The following ANXA10 variants were observed in gnomAD, a reference collection of about 807,000 sequenced individuals.
ANXA10 encodes the protein annexin 14.
Under a neutral mutation model 53.5 loss-of-function variants are expected in ANXA10, and 49 were observed. The observed-to-expected ratio is 0.92, with a 90% confidence interval of 0.73 to 1.16. The LOEUF is 1.16. Ranked by LOEUF, ANXA10 falls within the 50% of genes most tolerant of loss-of-function variation. ANXA10 has a pLI of 0.00. For synonymous variants in ANXA10, 131 were observed against 128.9 expected (o/e 1.02, Z -0.11); for missense variants, 393 against 394.4 (o/e 1.00, Z 0.03).
At chr4:168,180,634 G>T (rs1461967510) in intron 9 of ANXA10, among the ~76,000 whole-genome samples, 5 of 152,168 alleles carry the variant, frequency 3.3e-5, no homozygotes, top group African/African-American at 4.8e-5. Context: ...ACTCAAGAGT[G>T]ATTATGAAGA....
chr4:168,115,257 C>A (rs1308302556), intron 1 of ANXA10, among the ~76,000 whole-genome samples: 1 of 151,992 alleles, frequency 6.6e-6, no homozygotes. Flanking sequence ...GCTGAATAAC[C>A]CTATCATGGG....
chr4:168,105,768 C>T (rs1730710488), intron 1 of ANXA10, among the ~76,000 whole-genome samples: 2 of 152,058 alleles, frequency 1.3e-5, no homozygotes, highest in Admixed American at 6.6e-5. Context: ...TCTATAAGCT[C>T]AACAGCATTT....
Position 168,185,740 on chromosome 4 carries a change from C to G in ANXA10, c.906+1059C>G, listed in dbSNP as rs1732357916. The stretch of plus-strand genomic sequence containing the variant: ...CAAGCACAGGGACATAAGAATAGAA[C>G]TGAACTTATATTTTGTGCAGAACTA... On this transcript the variant is annotated intron_variant, in intron 11 of 11. Transcript: ENST00000359299. Among the ~76,000 whole-genome samples, 2 of 152,188 alleles carry G rather than the reference C, an allele frequency of 1.3e-5. 1 individual carries two copies. Among genetic ancestry groups the G allele is most frequent in the South Asian group, 4.1e-4 (2 of 4,834 alleles).
At chr4:168,105,998 T>C (rs1480242720) in intron 1 of ANXA10, among the ~76,000 whole-genome samples, 1 of 152,126 alleles carries the variant, frequency 6.6e-6, no homozygotes, top group Non-Finnish European at 1.5e-5. Flanking sequence ...TTGTTTTTTC[T>C]TTGTAGATAT....
intron 1 of ANXA10, among the ~76,000 whole-genome samples, chr4:168,093,624 C>G (rs1428653818): frequency 6.6e-6 from 1 of 152,094 alleles, no homozygotes; most frequent in African/African-American, 2.4e-5. Context: ...TTGCAGTGAG[C>G]CGAGATCGCG....
At chr4:168,147,546 C>T (rs149917407) in intron 3 of ANXA10, among the ~76,000 whole-genome samples, 193 of 152,314 alleles carry the variant, frequency 1.3e-3, no homozygotes, top group African/African-American at 4.6e-3. Flanking sequence ...AAAGCATCCC[C>T]TCCAGTATTT....
rs969234149 is a variant in ANXA10 at position 168,187,514 on chromosome 4, T to G, written c.*80T>G. 73 of 865,038 alleles carry G rather than the reference T, an allele frequency of 8.4e-5. No individual in the cohort carries two copies. Among genetic ancestry groups the G allele is most frequent in the Non-Finnish European group, 1.2e-4 (72 of 581,004 alleles). 53.6% of individuals were successfully genotyped at this position (865,038 alleles called of 1,614,324 possible). On this transcript the variant is annotated 3_prime_UTR_variant, in exon 12 of 12. Transcript: ENST00000359299. Reference sequence around the variant, plus strand: ...AGATTTTCTCACAAATTTGTACTGTTCATGGCACTATTAACAAAACTATAC... The same window carrying G: ...AGATTTTCTCACAAATTTGTACTGTGCATGGCACTATTAACAAAACTATAC...
chr4:168,129,541 T>G (rs1455122544), intron 2 of ANXA10, among the ~76,000 whole-genome samples: 5 of 152,156 alleles, frequency 3.3e-5, no homozygotes, highest in Non-Finnish European at 7.3e-5. Context: ...CAGGAGGTTT[T>G]GGGCTTTGAT....
chr4:168,112,444 G>C (rs1248298412), intron 1 of ANXA10, among the ~76,000 whole-genome samples: 2 of 152,062 alleles, frequency 1.3e-5, no homozygotes, highest in East Asian at 3.8e-4. Flanking sequence ...AGCACTTGGC[G>C]GACTATTTTC....
intron 3 of ANXA10, among the ~76,000 whole-genome samples, chr4:168,154,132 TTG>T (rs1198055419): frequency 1.3e-5 from 2 of 152,136 alleles, no homozygotes; most frequent in African/African-American, 4.8e-5. Context: ...AAGAAATATG[TTG>T]TGATACATGT....
Position 168,162,594 on chromosome 4 carries a change from T to C in ANXA10, c.262T>C (p.Tyr88His). 6.2e-7 allele frequency: 1 copy of C among 1,614,000 alleles called. No homozygotes were observed. Among genetic ancestry groups the C allele is most frequent in the Non-Finnish European group, 8.5e-7 (1 of 1,179,898 alleles). Residue 88 changes from tyrosine to histidine, a missense_variant, in exon 4 of 12, where the codon TAC (tyrosine) becomes CAC (histidine). Physicochemically the swap from Tyr to His is moderately conservative, Grantham distance 83 (BLOSUM62 2). Coordinates refer to ENST00000359299, the MANE Select transcript of ANXA10 (RefSeq NM_007193.5). Reference sequence around the variant, plus strand: ...CAAAGATGTGATGGCTGGCCTCATGTACCCACCACCACTGTATGATGCTCA... The same window carrying C: ...CAAAGATGTGATGGCTGGCCTCATGCACCCACCACCACTGTATGATGCTCA... Reference protein sequence around the residue: ...HFKDVMAGLMYPPPLYDAHEL... With the variant: ...HFKDVMAGLMHPPPLYDAHEL...
chr4:168,115,117 A>C (rs1465861818), intron 1 of ANXA10, among the ~76,000 whole-genome samples: 1 of 152,136 alleles, frequency 6.6e-6, no homozygotes, highest in Admixed American at 6.6e-5. Context: ...TCCTGGGCTG[A>C]AGCAATCTAC....
At chr4:168,162,825 C>T (rs886451325) in intron 4 of ANXA10, among the ~76,000 whole-genome samples, 184 bp downstream of exon 4, 2 of 152,138 alleles carry the variant, frequency 1.3e-5, no homozygotes, top group African/African-American at 4.8e-5. Context: ...GAAGGTGGAG[C>T]CTCCTGGGCT....
At chr4:168,145,215 A>C (rs1366647866) in intron 3 of ANXA10, among the ~76,000 whole-genome samples, 1 of 152,186 alleles carries the variant, frequency 6.6e-6, no homozygotes, top group African/African-American at 2.4e-5. Flanking sequence ...CCTAGGTTTT[A>C]TAATACTGAT....
rs146241857 is a variant in ANXA10, at chr4:168,149,997, C to T, written c.195+10417C>T. 8.1e-4 allele frequency among the ~76,000 whole-genome samples: 123 copies of T among 152,266 alleles called. 3 individuals carry two copies. The East Asian group carries it at 0.02, about 24-fold the overall frequency. ...TGTTCTCTTCTCCTCATACAGTGCC[C>T]GAAATTAGGCACTAAAGCCTAAACC... On this transcript the variant is annotated intron_variant, in intron 3 of 11. Coordinates refer to ENST00000359299, the MANE Select transcript of ANXA10 (RefSeq NM_007193.5).
At chr4:168,145,820 A>G (rs1731397081) in intron 3 of ANXA10, among the ~76,000 whole-genome samples, 1 of 152,192 alleles carries the variant, frequency 6.6e-6, no homozygotes, top group African/African-American at 2.4e-5. Flanking sequence ...GGTCAAGAAG[A>G]TAGAGTCAGA....
At chr4:168,105,535 G>A (rs1287684107) in intron 1 of ANXA10, among the ~76,000 whole-genome samples, 2 of 152,038 alleles carry the variant, frequency 1.3e-5, no homozygotes, top group Admixed American at 6.6e-5. Context: ...CATTTAGATT[G>A]ATTCCATGTC....
intron 1 of ANXA10, among the ~76,000 whole-genome samples, chr4:168,126,492 C>A (rs1160124182): frequency 6.6e-6 from 1 of 152,144 alleles, no homozygotes; most frequent in African/African-American, 2.4e-5. Context: ...GTGGCTACCA[C>A]CTCCAACTCT....
intron 1 of ANXA10, among the ~76,000 whole-genome samples, chr4:168,115,124 C>T (rs1263078120): frequency 1.3e-5 from 2 of 152,176 alleles, no homozygotes; most frequent in African/African-American, 4.8e-5. Context: ...CTGAAGCAAT[C>T]TACCTGCCTC....
Sources: gnomAD v4.1 joint callset for allele counts (sites outside exome capture counted in the v4.1 genomes callset) on GRCh38, gnomAD v4.1.1 for gene constraint, MANE v1.5 for transcripts, NCBI Gene and HGNC (gene_info 2026-07-23, HGNC 2026-07-21) for gene names.